The following NR2C1 variants were observed in gnomAD, a reference collection of about 807,000 sequenced individuals.
The protein encoded by NR2C1 is TR2 nuclear hormone receptor.
NR2C1 carries 33 observed loss-of-function variants against 74.8 expected under a neutral mutation model. The ratio of observed to expected loss-of-function variants is 0.44; its 90% CI spans 0.33 to 0.59. The LOEUF is 0.59. Ranked by LOEUF, NR2C1 falls within the 20% of genes least tolerant of loss-of-function variation. NR2C1 has a pLI of 0.02. For synonymous variants in NR2C1, 225 were observed against 240.6 expected, an observed-to-expected ratio of 0.94 and a Z score of 0.60; for missense variants, 568 against 715.6, an observed-to-expected ratio of 0.79 and a Z score of 2.35.
intron 12 of NR2C1, among the ~76,000 whole-genome samples, chr12:95,027,086 CCT>C (rs1170722106): frequency 9.9e-5 from 15 of 152,006 alleles, no homozygotes; most frequent in Non-Finnish European, 2.2e-4. Flanking sequence ...ACAGGGTCTC[CCT>C]CTGTCACCCA....
At chr12:95,050,409 A>G (rs781016289) in intron 8 of NR2C1, among the ~76,000 whole-genome samples, 5 of 152,210 alleles carry the variant, frequency 3.3e-5, no homozygotes, top group Non-Finnish European at 7.4e-5. Flanking sequence ...CTGGGGTTCA[A>G]GCGGTTCTCC....
Position 95,022,350 on chromosome 12 carries a change from A to G in NR2C1, c.1691T>C (p.Ile564Thr). 6.2e-7 allele frequency: 1 copy of G among 1,613,718 alleles called. No homozygotes were observed. Among genetic ancestry groups the G allele is most frequent in the African/African-American group, 1.3e-5 (1 of 75,026 alleles). Residue 564 changes from isoleucine (I) to threonine (T), a missense_variant, in exon 14 of 14, where the codon ATC becomes ACC. Coordinates refer to ENST00000333003, the MANE Select transcript of NR2C1 (RefSeq NM_003297.4). ...LPALRLMNAT[I>T]TEELFFKGLI... ...ACCTTTGAAAAACAATTCTTCAGTGATGGTAGCATTCATCAGTCTTAAAGC... is the reference window on the plus strand; with the variant it reads ...ACCTTTGAAAAACAATTCTTCAGTGGTGGTAGCATTCATCAGTCTTAAAGC...
intron 10 of NR2C1, 41 bp from the exon 11 acceptor site, chr12:95,031,529 A>ACTGTTTTCTTGCCT: frequency 6.7e-7 from 1 of 1,498,032 alleles, no homozygotes; most frequent in Non-Finnish European, 8.9e-7. Context: ...AGATATTATT[A>ACTGTTTTCTTGCCT]AAATAAGTTT....
intron 3 of NR2C1, among the ~76,000 whole-genome samples, chr12:95,061,124 A>T (rs973278172): frequency 6.6e-6 from 1 of 152,222 alleles, no homozygotes. Context: ...ATACCTGGCC[A>T]GTACTCCTCA....
intron 13 of NR2C1, among the ~76,000 whole-genome samples, chr12:95,022,990 A>C (rs933311286): frequency 1.3e-5 from 2 of 151,546 alleles, no homozygotes; most frequent in Admixed American, 6.6e-5. Context: ...AGCGTGAGCC[A>C]TTGTGCCGGG....
intron 10 of NR2C1, among the ~76,000 whole-genome samples, chr12:95,033,742 A>T (rs1870446877): frequency 6.6e-6 from 1 of 152,182 alleles, no homozygotes; most frequent in Admixed American, 6.5e-5. Context: ...CTGAAGGCAG[A>T]GACTCCCTTG....
At chr12:95,059,116 A>G (rs1874350482) in intron 4 of NR2C1, among the ~76,000 whole-genome samples, 1 of 151,774 alleles carries the variant, frequency 6.6e-6, no homozygotes, top group East Asian at 2.0e-4. Flanking sequence ...AGCATGGCCA[A>G]CATGGCAAAA....
chr12:95,028,310 C>G (rs902781288), intron 12 of NR2C1, 77 bp downstream of exon 12: 12 of 1,240,000 alleles, frequency 9.7e-6, no homozygotes, highest in Non-Finnish European at 2.3e-6. Context: ...TACATCCCCA[C>G]TTGCAACATA....
In NR2C1 at chr12:95,038,181, A is replaced by G. The variant is rs75214063; in HGVS notation, c.1253+2295T>C. Among the ~76,000 whole-genome samples, 870 of 152,336 alleles carry G rather than the reference A, an allele frequency of 5.7e-3. 38 individuals carry two copies. In the East Asian group the frequency reaches 0.14, roughly 24 times the overall value. Reference sequence around the variant, plus strand: ...CACAGGAAAATGTGGCTACCACTATAAAAATGACTTATTTTATAAACAGAA... The same window carrying G: ...CACAGGAAAATGTGGCTACCACTATGAAAATGACTTATTTTATAAACAGAA... On this transcript the variant is annotated intron_variant, in intron 10 of 13. Transcript: ENST00000333003.
chr12:95,033,115 C>T (rs1870363267), intron 10 of NR2C1, among the ~76,000 whole-genome samples: 1 of 149,374 alleles, frequency 6.7e-6, no homozygotes, highest in Admixed American at 6.7e-5. Context: ...CACTGCACTC[C>T]AGCCTCTAAC....
intron 13 of NR2C1, among the ~76,000 whole-genome samples, chr12:95,024,544 T>C (rs987185372): frequency 6.6e-6 from 1 of 152,196 alleles, no homozygotes; most frequent in Admixed American, 6.5e-5. Context: ...TTGGAGTGAA[T>C]TTCATAAACC....
At chr12:95,035,123 A>G (rs933656629) in intron 10 of NR2C1, among the ~76,000 whole-genome samples, 1 of 152,188 alleles carries the variant, frequency 6.6e-6, no homozygotes, top group Admixed American at 6.5e-5. Context: ...GGGTAAATTT[A>G]CATGTACTAA....
At chr12:95,047,495 CTG>C (rs1872458893) in intron 9 of NR2C1, among the ~76,000 whole-genome samples, 2 of 152,130 alleles carry the variant, frequency 1.3e-5, no homozygotes, top group Non-Finnish European at 2.9e-5. Flanking sequence ...TGAGTTTTCT[CTG>C]TGGCTATTTC....
intron 9 of NR2C1, among the ~76,000 whole-genome samples, chr12:95,046,414 C>T (rs1442920100): frequency 1.3e-5 from 2 of 151,990 alleles, no homozygotes; most frequent in East Asian, 3.9e-4. Context: ...AGTGAGATCC[C>T]ATCTCTACAC....
chr12:95,051,461 A>G (rs1872997470), intron 8 of NR2C1, among the ~76,000 whole-genome samples: 1 of 152,170 alleles, frequency 6.6e-6, no homozygotes, highest in East Asian at 1.9e-4. Context: ...GCCAAGACCT[A>G]TGTGTATTAC....
intron 3 of NR2C1, among the ~76,000 whole-genome samples, chr12:95,061,520 T>G (rs962049782): frequency 2.6e-5 from 4 of 152,224 alleles, no homozygotes; most frequent in African/African-American, 7.2e-5. Context: ...GACTTTTGTC[T>G]TGTTGATAAA....
rs117821582 is a variant in NR2C1 at position 95,044,696 on chromosome 12, T to C, written c.1132-4099A>G. Among the ~76,000 whole-genome samples the C allele has an allele frequency of 8.9e-3, 1,351 of 152,070 alleles. 7 individuals carry two copies. Among genetic ancestry groups the C allele is most frequent in the Non-Finnish European group, 0.015 (1,005 of 67,976 alleles). On this transcript the variant is annotated intron_variant, in intron 9 of 13. Coordinates refer to ENST00000333003, the MANE Select transcript of NR2C1 (RefSeq NM_003297.4). ...AGCTCATGAGTTAGCATGGGCAACATGATGAAACCTCGTCTGTATTTAAAA... is the reference window on the plus strand; with the variant it reads ...AGCTCATGAGTTAGCATGGGCAACACGATGAAACCTCGTCTGTATTTAAAA...
intron 2 of NR2C1, among the ~76,000 whole-genome samples, chr12:95,066,169 T>C (rs145784817): frequency 3.9e-5 from 6 of 152,324 alleles, no homozygotes; most frequent in African/African-American, 1.2e-4. Flanking sequence ...TGGAATCTCA[T>C]ATCTGTTTCT....
intron 7 of NR2C1, among the ~76,000 whole-genome samples, chr12:95,056,890 C>T (rs968418864): frequency 4.8e-5 from 7 of 147,094 alleles, no homozygotes; most frequent in Non-Finnish European, 1.0e-4. Context: ...ACCCGGGAAG[C>T]GGAGCTTGCA....
Sources: gnomAD v4.1 joint callset for allele counts (sites outside exome capture counted in the v4.1 genomes callset) on GRCh38, gnomAD v4.1.1 for gene constraint, MANE v1.5 for transcripts, NCBI Gene and HGNC (gene_info 2026-07-23, HGNC 2026-07-21) for gene names.